The following B9D1 variants were observed in gnomAD, a reference collection of about 807,000 sequenced individuals.
B9D1 encodes the protein B9 domain containing 1.
In B9D1, 20 loss-of-function variants were observed where a neutral mutation model predicts 26.1. That is an observed-to-expected ratio of 0.77 (90% confidence interval 0.54 to 1.12). The LOEUF (loss-of-function observed/expected upper bound fraction) is 1.12, where lower values mean the gene tolerates loss of function less well. B9D1 is among the 50% of genes most tolerant of loss of function. The pLI is 0.00. For missense variants in B9D1, 260 were observed against 273.7 expected, an observed-to-expected ratio of 0.95 and a Z score of 0.35; for synonymous variants, 105 against 103.1, an observed-to-expected ratio of 1.02 and a Z score of -0.11.
At chr17:19,364,466 G>C (rs1340984634), upstream of B9D1, 1 of 152,306 alleles carries the variant, frequency 6.6e-6, no homozygotes, top group African/African-American at 2.4e-5. The surrounding 1 kb of genome is among the most constrained non-coding windows in gnomAD (Gnocchi z 4.3). Context: ...GGAGAGCCTG[G>C]TGTACTAGAA....
At chr17:19,338,832 G>A (rs954598102), downstream of B9D1, among the ~76,000 whole-genome samples, 5 of 152,238 alleles carry the variant, frequency 3.3e-5, no homozygotes, top group African/African-American at 1.2e-4. Context: ...CCAGAATCAA[G>A]TGTAGCATAG....
At chr17:19,364,239 G>A (rs549152724), upstream of B9D1, among the ~76,000 whole-genome samples, 1 of 152,310 alleles carries the variant, frequency 6.6e-6, no homozygotes, top group South Asian at 2.1e-4. The surrounding 1 kb of genome is among the most constrained non-coding windows in gnomAD (Gnocchi z 4.3). Context: ...CTCCCCAAGG[G>A]GTGGGAAGTT....
At chr17:19,358,041 G>T (rs1400965586) in intron 2 of B9D1, 90 bp from the exon 3 acceptor site, 3 of 938,342 alleles carry the variant, frequency 3.2e-6, no homozygotes, top group Non-Finnish European at 5.2e-6. Context: ...AGTTGGGAGG[G>T]CTGTTTTCTC....
Position 19,343,772 on chromosome 17 carries a change from G to C in B9D1, c.472+18C>G. Reference sequence around the variant, plus strand: ...ACCTGTATGGGGGATGGGGGTAAGAGAGGGGAGGGAGCTTTACCTTCCCGG... The same window carrying C: ...ACCTGTATGGGGGATGGGGGTAAGACAGGGGAGGGAGCTTTACCTTCCCGG... On this transcript the variant is annotated intron_variant, in intron 6 of 6. Transcript: ENST00000261499. The C allele has an allele frequency of 6.2e-7, 1 of 1,613,148 alleles. No homozygotes were observed. The highest frequency in any genetic ancestry group is 2.2e-5 in the East Asian group (1 of 44,878).
intron 5 of B9D1, among the ~76,000 whole-genome samples, chr17:19,345,144 T>G (rs548628151): frequency 3.3e-5 from 5 of 152,264 alleles, no homozygotes; most frequent in African/African-American, 1.2e-4. Flanking sequence ...CAGGCTGTTC[T>G]GGGAGAGCAT....
chr17:19,350,012 T>C (rs1434629418), intron 3 of B9D1, among the ~76,000 whole-genome samples: 1 of 152,098 alleles, frequency 6.6e-6, no homozygotes, highest in Non-Finnish European at 1.5e-5. Flanking sequence ...CTCAGGAGGC[T>C]GAGGCAGGAG....
intron 6 of B9D1, 87 bp from the exon 7 acceptor site, chr17:19,343,548 C>G: frequency 6.3e-7 from 1 of 1,597,182 alleles, no homozygotes; most frequent in Non-Finnish European, 8.5e-7. Flanking sequence ...TCAGCGTTCT[C>G]ATCTGTAAAA....
At chr17:19,337,734 C>CAA (rs1453032904), downstream of B9D1, 3 of 1,535,016 alleles carry the variant, frequency 2.0e-6, no homozygotes, top group Non-Finnish European at 2.6e-6. Flanking sequence ...CTTTGACAGA[C>CAA]AGCCCTGAAG....
chr17:19,369,858 C>T (rs958613091), intron 1 of B9D1, among the ~76,000 whole-genome samples: 1 of 152,154 alleles, frequency 6.6e-6, no homozygotes, highest in Non-Finnish European at 1.5e-5. Context: ...ATTCCGCCCA[C>T]CCCATGGCCA....
intron 1 of B9D1, among the ~76,000 whole-genome samples, chr17:19,361,936 T>C (rs1041510944): frequency 6.6e-6 from 1 of 152,168 alleles, no homozygotes; most frequent in African/African-American, 2.4e-5. Flanking sequence ...GCACCGACTT[T>C]GGGACATATT....
At chr17:19,338,312 T>C (rs1907627607), downstream of B9D1, among the ~76,000 whole-genome samples, 1 of 152,192 alleles carries the variant, frequency 6.6e-6, no homozygotes, top group Non-Finnish European at 1.5e-5. Context: ...TTTTTTGTAT[T>C]CCCTTGGCTG....
intron 1 of B9D1, among the ~76,000 whole-genome samples, chr17:19,375,244 C>T (rs750183632): frequency 6.6e-6 from 1 of 151,338 alleles, no homozygotes; most frequent in African/African-American, 2.4e-5. Context: ...GAGCTGAGAT[C>T]CTACCACCGC....
downstream of B9D1, among the ~76,000 whole-genome samples, chr17:19,342,391 G>A (rs1908071386): frequency 6.6e-6 from 1 of 152,136 alleles, no homozygotes; most frequent in South Asian, 2.1e-4. Flanking sequence ...GGGCAACATG[G>A]GCGAGGCTGG....
intron 1 of B9D1, among the ~76,000 whole-genome samples, chr17:19,361,403 G>A (rs1012237239): frequency 1.3e-5 from 2 of 152,132 alleles, no homozygotes; most frequent in African/African-American, 2.4e-5. Flanking sequence ...GAGAACCCAG[G>A]AAGCCATCAT....
chr17:19,357,849 G>T lies in B9D1; in HGVS notation c.235C>A (p.Pro79Thr), dbSNP rs765910751. 1 of 1,613,590 alleles carries T rather than the reference G, an allele frequency of 6.2e-7. No individual in the cohort carries two copies. Among genetic ancestry groups the T allele is most frequent in the Admixed American group, 1.7e-5 (1 of 60,008 alleles). ...GCCCCTGCAGACTCACAGCCGTAGG[G>T]GTTGGTGCTTTTAAAGGTGACATCA... The part of the protein sequence containing the change: ...PIDVTFKSTN[P>T]YGWPQIVLSV... Residue 79 changes from proline (P) to threonine (T), a missense_variant, in exon 3 of 7, where the codon CCC becomes ACC. By Grantham distance (38) the Pro-to-Thr change is conservative (BLOSUM62 -1). Transcript: ENST00000261499.
At chr17:19,368,203 C>T (rs933608738) in intron 1 of B9D1, among the ~76,000 whole-genome samples, 1 of 152,136 alleles carries the variant, frequency 6.6e-6, no homozygotes, top group Non-Finnish European at 1.5e-5. Context: ...CAGTCACTGC[C>T]GTATTCTGGG....
rs956753540 is a variant in B9D1 at position 19,356,860 on chromosome 17, G to A, written c.244+980C>T. Among the ~76,000 whole-genome samples, 4 of 152,004 alleles carry A rather than the reference G, an allele frequency of 2.6e-5. No individual in the cohort carries two copies. In the East Asian group the frequency reaches 7.7e-4, roughly 29 times the overall value. ...ACATTTACCTCTCCTACCTGTCCTCGGCAGGAGGAGGTTCGTCCAGTACCT... is the reference window on the plus strand; with the variant it reads ...ACATTTACCTCTCCTACCTGTCCTCAGCAGGAGGAGGTTCGTCCAGTACCT... On this transcript the variant is annotated intron_variant, in intron 3 of 6. Coordinates refer to ENST00000261499, the MANE Select transcript of B9D1 (RefSeq NM_015681.6).
intron 2 of B9D1, 37 bp downstream of exon 2, chr17:19,360,283 A>G: frequency 6.2e-7 from 1 of 1,602,352 alleles, no homozygotes; most frequent in Non-Finnish European, 8.6e-7. Context: ...CCCAAAAGTC[A>G]TGAAGGCGGT....
At chr17:19,352,513 A>ACTTTT (rs1185685443) in intron 3 of B9D1, among the ~76,000 whole-genome samples, 1 of 125,116 alleles carries the variant, frequency 8.0e-6, no homozygotes, top group East Asian at 4.2e-4. Flanking sequence ...GGGCCTGGCT[A>ACTTTT]ATTTTTTTTT....
Sources: allele counts gnomAD v4.1 joint callset (sites outside exome capture counted in the v4.1 genomes callset), GRCh38; gene constraint gnomAD v4.1.1; non-coding constraint Gnocchi (gnomAD v3.1); transcripts MANE v1.5; gene names NCBI Gene and HGNC (gene_info 2026-07-23, HGNC 2026-07-21).